Variants in CCSER1 observed in about 807,000 individuals in gnomAD.
The protein encoded by CCSER1 is coiled-coil serine rich protein 1, also known as serine-rich coiled-coil domain-containing protein 1.
Under a neutral mutation model 82.0 loss-of-function variants are expected in CCSER1, and 41 were observed. The observed-to-expected ratio is 0.50, with a 90% CI of 0.39 to 0.65. The LOEUF is 0.65. Among genes scored for constraint, CCSER1 ranks in the 30% least tolerant of loss-of-function variants. CCSER1 has a pLI of 0.00. For synonymous variants in CCSER1, 414 were observed against 383.9 expected (o/e 1.08, Z -0.92); for missense variants, 1,119 against 1,064.2 (o/e 1.05, Z -0.72).
intron 9 of CCSER1, among the ~76,000 whole-genome samples, chr4:91,002,827 T>G (rs1447591884): frequency 1.3e-5 from 2 of 152,204 alleles, no homozygotes; most frequent in Non-Finnish European, 2.9e-5. Flanking sequence ...AGAACCATGT[T>G]TTGTCATAGT....
chr4:90,693,510 A>G (rs1324803772), intron 6 of CCSER1: 2 of 151,884 alleles, frequency 1.3e-5, no homozygotes, highest in Non-Finnish European at 2.9e-5. Context: ...TGAGTATTTC[A>G]TTGAGGTGGT....
chr4:90,229,399 A>C (rs921583361), intron 1 of CCSER1, among the ~76,000 whole-genome samples: 2 of 152,166 alleles, frequency 1.3e-5, no homozygotes, highest in African/African-American at 4.8e-5. Context: ...GAAATAAAAT[A>C]CTTTACAGAC....
At chr4:91,320,442 T>A (rs1209954464) in intron 10 of CCSER1, among the ~76,000 whole-genome samples, 1 of 152,018 alleles carries the variant, frequency 6.6e-6, no homozygotes, top group Non-Finnish European at 1.5e-5. Flanking sequence ...ACAGTGCAAA[T>A]TAAAGAATTT....
chr4:91,405,576 G>A (rs1752646907), intron 10 of CCSER1, among the ~76,000 whole-genome samples: 2 of 152,328 alleles, frequency 1.3e-5, no homozygotes, highest in African/African-American at 4.8e-5. Flanking sequence ...CCTCAGCAAT[G>A]GCTGGCGCCC....
intron 5 of CCSER1, among the ~76,000 whole-genome samples, chr4:90,571,744 A>G (rs1235771520): frequency 1.3e-5 from 2 of 152,270 alleles, no homozygotes; most frequent in Non-Finnish European, 2.9e-5. Context: ...CCTGAATTTA[A>G]AATTAAAATA....
chr4:90,578,064 C>T (rs7665610), intron 5 of CCSER1, among the ~76,000 whole-genome samples: 3,304 of 152,174 alleles, frequency 0.022, 121 homozygotes, highest in African/African-American at 0.07. Context: ...CTGCTATTTA[C>T]AGATGACAGT....
intron 10 of CCSER1, among the ~76,000 whole-genome samples, chr4:91,153,967 T>C (rs1277733215): frequency 6.6e-6 from 1 of 151,950 alleles, no homozygotes; most frequent in Non-Finnish European, 1.5e-5. Flanking sequence ...AGGGACCCAC[T>C]TGAGGAGGCA....
At chr4:91,247,895 A>T (rs1739926059) in intron 10 of CCSER1, among the ~76,000 whole-genome samples, 1 of 151,872 alleles carries the variant, frequency 6.6e-6, no homozygotes, top group African/African-American at 2.4e-5. Flanking sequence ...AAAACAAAAC[A>T]ATAACAACAA....
At chr4:90,902,357 G>A (rs1421743266) in intron 8 of CCSER1, among the ~76,000 whole-genome samples, 1 of 152,032 alleles carries the variant, frequency 6.6e-6, no homozygotes, top group African/African-American at 2.4e-5. Context: ...AAGATATCAA[G>A]ATACTCTGGC....
At chr4:90,467,079 T>TA (rs1341984354) in intron 4 of CCSER1, among the ~76,000 whole-genome samples, 2 of 151,940 alleles carry the variant, frequency 1.3e-5, no homozygotes, top group African/African-American at 4.8e-5. Context: ...TTGAATGAAA[T>TA]AAAAAACACA....
intron 1 of CCSER1, among the ~76,000 whole-genome samples, chr4:90,279,271 A>G (rs1728473936): frequency 6.6e-6 from 1 of 152,002 alleles, no homozygotes; most frequent in Non-Finnish European, 1.5e-5. Context: ...TGCATTCTGA[A>G]ATTCTTGGAA....
Position 91,232,572 on chromosome 4 carries a change from G to A in CCSER1, c.2217+146578G>A, listed in dbSNP as rs148171780. Among the ~76,000 whole-genome samples the A allele has an allele frequency of 6.8e-4, 103 of 151,884 alleles. 3 individuals carry two copies. In the East Asian group the frequency reaches 0.018, roughly 27 times the overall value. On this transcript the variant is annotated intron_variant, in intron 10 of 10. Coordinates refer to ENST00000509176, the MANE Select transcript of CCSER1 (RefSeq NM_001145065.2). ...TCAGAATATGAAACGTTTGTGGCTGGAGAACAGGAATAGGAAAGAAACATA... is the reference window on the plus strand; with the variant it reads ...TCAGAATATGAAACGTTTGTGGCTGAAGAACAGGAATAGGAAAGAAACATA...
chr4:91,387,221 A>G (rs1179303362), intron 10 of CCSER1, among the ~76,000 whole-genome samples: 2 of 152,030 alleles, frequency 1.3e-5, no homozygotes, highest in Non-Finnish European at 1.5e-5. Context: ...AGACATACAC[A>G]CAAACATACC....
intron 10 of CCSER1, among the ~76,000 whole-genome samples, chr4:91,579,051 C>T (rs112074601): frequency 1.1e-3 from 163 of 151,806 alleles, no homozygotes; most frequent in African/African-American, 3.9e-3. Flanking sequence ...TTAATACACA[C>T]CATCCTTGCA....
chr4:90,484,794 GT>G (rs1162044908), intron 5 of CCSER1, among the ~76,000 whole-genome samples: 1 of 152,194 alleles, frequency 6.6e-6, no homozygotes, highest in Non-Finnish European at 1.5e-5. Flanking sequence ...CTACTGGGGG[GT>G]TCCTCCCAGT....
At chr4:90,459,923 G>C (rs1443511154) in intron 4 of CCSER1, among the ~76,000 whole-genome samples, 2 of 152,124 alleles carry the variant, frequency 1.3e-5, no homozygotes, top group East Asian at 3.9e-4. Flanking sequence ...AGATAGGTAA[G>C]CTTACAAATG....
At chr4:90,325,752 T>A in intron 3 of CCSER1, 1 of 355,492 alleles carries the variant, frequency 2.8e-6, no homozygotes, top group Non-Finnish European at 5.9e-6. Context: ...ATTTATTTTA[T>A]ACTTATTTTA....
intron 6 of CCSER1, among the ~76,000 whole-genome samples, chr4:90,694,932 C>T (rs1436851034): frequency 6.6e-6 from 1 of 151,418 alleles, no homozygotes; most frequent in Non-Finnish European, 1.5e-5. Flanking sequence ...AATATACCAC[C>T]AAATCTGAAT....
chr4:90,355,468 T>C (rs1307641545), intron 3 of CCSER1, among the ~76,000 whole-genome samples: 2 of 152,012 alleles, frequency 1.3e-5, no homozygotes, highest in Non-Finnish European at 2.9e-5. Context: ...TAAAGGCTGT[T>C]AAAATCTGTC....
Sources: allele counts gnomAD v4.1 joint callset (sites outside exome capture counted in the v4.1 genomes callset), GRCh38; gene constraint gnomAD v4.1.1; transcripts MANE v1.5; gene names NCBI Gene and HGNC (gene_info 2026-07-23, HGNC 2026-07-21).